Variants in CLCN7 observed in about 807,000 individuals in gnomAD.
CLCN7 encodes H(+)/Cl(-) exchange transporter 7.
CLCN7 carries 60 observed loss-of-function variants against 102.1 expected under a neutral mutation model. The observed-to-expected ratio is 0.59, with a 90% CI of 0.48 to 0.73. The LOEUF is 0.73. Ranked by LOEUF, CLCN7 falls within the 30% of genes least tolerant of loss-of-function variation. The pLI is 0.00. For missense variants in CLCN7, 962 were observed against 1,125.7 expected (o/e 0.85, Z 2.08); for synonymous variants, 560 against 490.5 (o/e 1.14, Z -1.87).
chr16:1,446,492 C>T lies in CLCN7; in HGVS notation c.*139G>A, dbSNP rs1435056780. 1.2e-6 allele frequency: 1 copy of T among 808,692 alleles called. No homozygotes were observed. Among genetic ancestry groups the T allele is most frequent in the East Asian group, 2.7e-5 (1 of 37,728 alleles). 50.1% of individuals were successfully genotyped at this position (808,692 alleles called of 1,614,324 possible). ...GAGAGGGTCAGTTCCGCGCCTGCCG[C>T]CTGCCCGCCCAGCTGCAGGGTGCTC... is the stretch of plus-strand genomic sequence containing the variant. On this transcript the variant is annotated 3_prime_UTR_variant, in exon 25 of 25. Transcript: ENST00000382745.
intron 24 of CLCN7, 26 bp downstream of exon 24, chr16:1,446,979 GC>G (rs1274076299): frequency 6.4e-7 from 1 of 1,551,628 alleles, no homozygotes; most frequent in African/African-American, 1.4e-5. Flanking sequence ...TGCACGGCAT[GC>G]CTGCACCCCC....
In CLCN7 at chr16:1,455,981, G is replaced by A. The variant is rs2038829193; in HGVS notation, c.916+132C>T. 7 of 990,512 alleles carry A rather than the reference G, an allele frequency of 7.1e-6. No homozygotes were observed. The East Asian group carries it at 7.8e-5, about 11-fold the overall frequency. 61.4% of individuals were successfully genotyped at this position (990,512 alleles called of 1,614,324 possible). On this transcript the variant is annotated intron_variant, in intron 10 of 24. Transcript: ENST00000382745. ...GCTGGACCCAAGTACACTGCCGGCCGCTTCCAAATGCCCCGGCCGTGACTC... is the reference window on the plus strand; with the variant it reads ...GCTGGACCCAAGTACACTGCCGGCCACTTCCAAATGCCCCGGCCGTGACTC...
chr16:1,453,774 T>C (rs1027021964), intron 14 of CLCN7, 60 bp downstream of exon 14: 55 of 1,526,564 alleles, frequency 3.6e-5, no homozygotes, highest in Non-Finnish European at 4.6e-5. Flanking sequence ...CCACGTCCGC[T>C]TTCAAAGGGC....
chr16:1,467,394 G>C (rs2039019433), intron 1 of CLCN7, among the ~76,000 whole-genome samples: 1 of 152,216 alleles, frequency 6.6e-6, no homozygotes. Context: ...CTCACAGCTT[G>C]AGTCTCCTGC....
At chr16:1,460,282 C>T (rs1340165881) in intron 6 of CLCN7, 136 bp downstream of exon 6, 11 of 703,114 alleles carry the variant, frequency 1.6e-5, no homozygotes, top group African/African-American at 5.3e-5. Context: ...GAGTCTGGAC[C>T]ACGTGATTCT....
chr16:1,454,896 A>G (rs1428591398), intron 12 of CLCN7, among the ~76,000 whole-genome samples: 2 of 152,210 alleles, frequency 1.3e-5, no homozygotes, highest in Non-Finnish European at 2.9e-5. Flanking sequence ...GGCCCCATGC[A>G]CGCAGCAACT....
rs1278457415 is a variant in CLCN7, at chr16:1,445,330, G to C, written c.*1301C>G. 1 of 152,384 alleles carries C rather than the reference G, an allele frequency of 6.6e-6. No homozygotes were observed. Among genetic ancestry groups the C allele is most frequent in the African/African-American group, 2.4e-5 (1 of 41,464 alleles). 9.4% of individuals were successfully genotyped at this position (152,384 alleles called of 1,614,324 possible). Reference sequence around the variant, plus strand: ...TGGGTGGGGTGGGAGGGACGACGCTGGCAAAGGCGGGCTGAGAGGATTTCT... The same window carrying C: ...TGGGTGGGGTGGGAGGGACGACGCTCGCAAAGGCGGGCTGAGAGGATTTCT... On this transcript the variant is annotated 3_prime_UTR_variant, in exon 25 of 25. Transcript: ENST00000382745.
intron 16 of CLCN7, among the ~76,000 whole-genome samples, 199 bp from the exon 17 acceptor site, chr16:1,450,865 G>T (rs1212658860): frequency 8.0e-6 from 1 of 125,280 alleles, no homozygotes; most frequent in Non-Finnish European, 1.8e-5. Context: ...CCCATGGGGA[G>T]GCCACAGGGG....
chr16:1,449,310 G>T lies in CLCN7; in HGVS notation c.1635C>A (p.Gly545=). ...LTGAAIWADP[G]KYALMGAAAQ... is the part of the protein sequence containing the mutation. ...CAGCAGCTCCCATCAGGGCGTATTTGCCGGGGTCCGCCCAGATCTGTGGGA... is the reference window on the plus strand; with the variant it reads ...CAGCAGCTCCCATCAGGGCGTATTTTCCGGGGTCCGCCCAGATCTGTGGGA... Residue 545 remains glycine (G), a synonymous_variant, in exon 18 of 25, where the codon GGC becomes GGA. Coordinates refer to ENST00000382745, the MANE Select transcript of CLCN7 (RefSeq NM_001287.6). 6.3e-7 allele frequency: 1 copy of T among 1,586,668 alleles called. No homozygotes were observed. Among genetic ancestry groups the T allele is most frequent in the Non-Finnish European group, 8.6e-7 (1 of 1,166,912 alleles).
chr16:1,454,495 T>C, intron 12 of CLCN7, 30 bp from the exon 13 acceptor site: 1 of 1,607,406 alleles, frequency 6.2e-7, no homozygotes, highest in Non-Finnish European at 8.5e-7. Context: ...AGGCAGAGGA[T>C]GTGAGGGAAA....
In CLCN7 at chr16:1,447,556, G is replaced by A. The variant is rs1222925593; in HGVS notation, c.2086C>T (p.Arg696Trp). ...VLLKHKVFVE[R>W]SNLGLVQRRL... Reference sequence around the variant, plus strand: ...CGCTGTACCAGGCCCAGGTTGGACCGCTCCACAAACACCTGCGGGCGGCAG... The same window carrying A: ...CGCTGTACCAGGCCCAGGTTGGACCACTCCACAAACACCTGCGGGCGGCAG... The change falls in exon 23 of 25, where the codon CGG becomes TGG. Residue 696 changes from arginine to tryptophan, a missense_variant. Physicochemically the swap from Arg to Trp is moderately radical, Grantham distance 101. Transcript: ENST00000382745. 3.9e-6 allele frequency: 6 copies of A among 1,556,134 alleles called. No individual in the cohort carries two copies. Among genetic ancestry groups the A allele is most frequent in the South Asian group, 1.2e-5 (1 of 84,534 alleles).
At chr16:1,472,160 A>C (rs934537074) in intron 1 of CLCN7, among the ~76,000 whole-genome samples, 3 of 152,268 alleles carry the variant, frequency 2.0e-5, no homozygotes, top group African/African-American at 7.2e-5. Flanking sequence ...TATTTTTTAA[A>C]TTGCTTGTAA....
At chr16:1,470,396 G>A (rs542380945) in intron 1 of CLCN7, among the ~76,000 whole-genome samples, 33 of 152,296 alleles carry the variant, frequency 2.2e-4, no homozygotes, top group African/African-American at 5.5e-4. Flanking sequence ...CCTGTGTTGC[G>A]TCCTAACATT....
At chr16:1,460,588 G>A in intron 5 of CLCN7, 61 bp from the exon 6 acceptor site, 2 of 1,413,224 alleles carry the variant, frequency 1.4e-6, no homozygotes, top group Non-Finnish European at 2.0e-6. Flanking sequence ...CCAGACCTCA[G>A]CCCTGCCCCA....
chr16:1,456,873 C>T (rs1023935826), intron 9 of CLCN7, among the ~76,000 whole-genome samples: 9 of 151,876 alleles, frequency 5.9e-5, no homozygotes, highest in African/African-American at 2.2e-4. Flanking sequence ...CACACAAATG[C>T]AGCTCAATCC....
rs978673361 is a variant in CLCN7, at chr16:1,446,481, C to T, written c.*150G>A. 5 of 755,702 alleles carry T rather than the reference C, an allele frequency of 6.6e-6. No individual in the cohort carries two copies. Among genetic ancestry groups the T allele is most frequent in the Admixed American group, 4.0e-5 (2 of 50,068 alleles). 46.8% of individuals were successfully genotyped at this position (755,702 alleles called of 1,614,324 possible). A position where few individuals can be genotyped will look rare whatever the true frequency, so the allele number is the denominator to read the frequency against. On this transcript the variant is annotated 3_prime_UTR_variant, in exon 25 of 25. Coordinates refer to ENST00000382745, the MANE Select transcript of CLCN7 (RefSeq NM_001287.6). ...GTCAGTCCCGCGAGAGGGTCAGTTC[C>T]GCGCCTGCCGCCTGCCCGCCCAGCT...
intron 1 of CLCN7, among the ~76,000 whole-genome samples, chr16:1,471,249 C>T (rs964243432): frequency 3.9e-5 from 6 of 152,296 alleles, no homozygotes; most frequent in Non-Finnish European, 5.9e-5. Context: ...GCTGTGCCCA[C>T]GCTGAGGTGG....
chr16:1,452,045 A>C (rs2038760027), intron 15 of CLCN7: 1 of 370,870 alleles, frequency 2.7e-6, no homozygotes, highest in Non-Finnish European at 5.2e-6. Context: ...CCAGGCGCTC[A>C]CATGAGCTCC....
chr16:1,447,899 C>T (rs1294994728), intron 21 of CLCN7, among the ~76,000 whole-genome samples, 185 bp from the exon 22 acceptor site: 1 of 152,208 alleles, frequency 6.6e-6, no homozygotes, highest in African/African-American at 2.4e-5. Context: ...TGCCACGGGA[C>T]CCAAGGATCG....
Sources: allele counts gnomAD v4.1 joint callset (sites outside exome capture counted in the v4.1 genomes callset), GRCh38; gene constraint gnomAD v4.1.1; transcripts MANE v1.5; gene names NCBI Gene and HGNC (gene_info 2026-07-23, HGNC 2026-07-21).